ERC2: variants seen among roughly 807,000 people sequenced by gnomAD.
The protein encoded by ERC2 is ERC protein 2.
A neutral mutation model predicts 114.8 loss-of-function variants in ERC2; 42 were observed. The observed-to-expected ratio is 0.37, with a 90% CI of 0.29 to 0.47. ERC2 has a LOEUF of 0.47. ERC2 is among the 20% of genes least tolerant of loss of function. The pLI, the probability that ERC2 is intolerant of heterozygous loss-of-function variation, is 0.99. For missense variants in ERC2, 939 were observed against 1,150.7 expected (o/e 0.82, Z 2.66); for synonymous variants, 454 against 425.5 (o/e 1.07, Z -0.82).
chr3:55,961,249 C>A (rs2068340065), intron 12 of ERC2, among the ~76,000 whole-genome samples: 1 of 152,162 alleles, frequency 6.6e-6, no homozygotes, highest in Non-Finnish European at 1.5e-5. Context: ...ACATGCCAAG[C>A]CCTATAGTCC....
intron 12 of ERC2, among the ~76,000 whole-genome samples, chr3:55,956,444 A>ATTT (rs11298196): frequency 1.6e-3 from 249 of 151,150 alleles, no homozygotes; most frequent in African/African-American, 5.6e-3. Flanking sequence ...AGATTATTTC[A>ATTT]TTTTTTTTTT....
chr3:55,615,152 C>G (rs1387894076), intron 17 of ERC2, among the ~76,000 whole-genome samples: 1 of 152,206 alleles, frequency 6.6e-6, no homozygotes, highest in Non-Finnish European at 1.5e-5. Flanking sequence ...CACGTACACT[C>G]TGTTCTTACT....
chr3:56,369,537 T>C (rs887038789), intron 2 of ERC2, among the ~76,000 whole-genome samples: 55 of 152,230 alleles, frequency 3.6e-4, no homozygotes, highest in Admixed American at 2.6e-3. Context: ...CCTACAGTGA[T>C]AGTACAGATA....
At chr3:55,650,610 T>G (rs1353455322) in intron 17 of ERC2, among the ~76,000 whole-genome samples, 1 of 152,144 alleles carries the variant, frequency 6.6e-6, no homozygotes, top group Non-Finnish European at 1.5e-5. Context: ...GAGGGCAGAG[T>G]ATTGTTTATT....
At chr3:56,138,274 A>G (rs1438618027) in intron 6 of ERC2, among the ~76,000 whole-genome samples, 1 of 152,036 alleles carries the variant, frequency 6.6e-6, no homozygotes, top group East Asian at 1.9e-4. Flanking sequence ...GTTTGCCAGG[A>G]TGGTCTGGAT....
chr3:55,627,135 C>T (rs2059549900), intron 17 of ERC2, among the ~76,000 whole-genome samples: 1 of 152,186 alleles, frequency 6.6e-6, no homozygotes, highest in South Asian at 2.1e-4. Context: ...AACTTGGCTT[C>T]AGCTCCACAA....
intron 6 of ERC2, among the ~76,000 whole-genome samples, chr3:56,107,007 T>C (rs900371263): frequency 6.6e-6 from 1 of 152,170 alleles, no homozygotes; most frequent in African/African-American, 2.4e-5. Flanking sequence ...GACCACGTAA[T>C]GCATTCAATA....
intron 3 of ERC2, among the ~76,000 whole-genome samples, chr3:56,234,257 T>C (rs970113949): frequency 6.6e-6 from 1 of 152,172 alleles, no homozygotes; most frequent in African/African-American, 2.4e-5. Flanking sequence ...ATTTCTCAGG[T>C]CCTGTACATC....
chr3:56,437,888 T>C (rs890555675), intron 1 of ERC2, among the ~76,000 whole-genome samples: 2 of 152,194 alleles, frequency 1.3e-5, no homozygotes, highest in African/African-American at 2.4e-5. Context: ...GACAAAACAA[T>C]TTTGTGATTT....
intron 2 of ERC2, among the ~76,000 whole-genome samples, chr3:56,348,483 T>C (rs1328711943): frequency 1.3e-5 from 2 of 148,594 alleles, no homozygotes; most frequent in Non-Finnish European, 3.0e-5. Context: ...ATATATATAT[T>C]TTTATTTATA....
At chr3:56,294,047 A>G (rs1028325886) in intron 3 of ERC2, among the ~76,000 whole-genome samples, 6 of 152,250 alleles carry the variant, frequency 3.9e-5, no homozygotes, top group Admixed American at 3.9e-4. Context: ...TTTTCCAACT[A>G]TAGTGATCCT....
chr3:56,344,794 A>T (rs776113713), intron 2 of ERC2, among the ~76,000 whole-genome samples: 6 of 152,184 alleles, frequency 3.9e-5, no homozygotes, highest in Non-Finnish European at 7.3e-5. Flanking sequence ...CACAGATCAC[A>T]ATAGTTTATC....
chr3:55,750,220 A>G (rs183029325), intron 14 of ERC2, among the ~76,000 whole-genome samples: 8 of 152,332 alleles, frequency 5.3e-5, no homozygotes, highest in Admixed American at 5.2e-4. Flanking sequence ...GTTTATTAAC[A>G]TCTTCATTGT....
intron 14 of ERC2, among the ~76,000 whole-genome samples, chr3:55,841,753 G>A (rs1453722015): frequency 6.6e-6 from 1 of 152,092 alleles, no homozygotes; most frequent in East Asian, 1.9e-4. Context: ...GGGTAAAGCT[G>A]GAATTTGATT....
At chr3:56,274,565 T>C (rs2053869278) in intron 3 of ERC2, among the ~76,000 whole-genome samples, 1 of 152,230 alleles carries the variant, frequency 6.6e-6, no homozygotes, top group Non-Finnish European at 1.5e-5. Context: ...GCCCATGTTG[T>C]TCAAAGGCCA....
chr3:56,296,919 G>T (rs1174540579), intron 2 of ERC2, among the ~76,000 whole-genome samples: 2 of 152,016 alleles, frequency 1.3e-5, no homozygotes, highest in Non-Finnish European at 2.9e-5. Flanking sequence ...CACAAACAAA[G>T]ACTTTATTTT....
chr3:56,131,065 A>G (rs557155955), intron 6 of ERC2, among the ~76,000 whole-genome samples: 162 of 152,338 alleles, frequency 1.1e-3, no homozygotes, highest in African/African-American at 3.7e-3. Context: ...GGAAAAAAAT[A>G]AAATGCACAT....
chr3:55,728,359 C>T (rs895593508), intron 15 of ERC2, among the ~76,000 whole-genome samples: 1 of 152,214 alleles, frequency 6.6e-6, no homozygotes, highest in African/African-American at 2.4e-5. Context: ...TACATGTGCT[C>T]AAAAATGTCA....
At chr3:56,071,415 T>C (rs1400340745) in intron 7 of ERC2, among the ~76,000 whole-genome samples, 1 of 152,144 alleles carries the variant, frequency 6.6e-6, no homozygotes, top group Non-Finnish European at 1.5e-5. Flanking sequence ...AATGAAGAGG[T>C]TGGACTAGGA....
Sources: gnomAD v4.1 joint callset for allele counts (sites outside exome capture counted in the v4.1 genomes callset) on GRCh38, gnomAD v4.1.1 for gene constraint, MANE v1.5 for transcripts, NCBI Gene and HGNC (gene_info 2026-07-23, HGNC 2026-07-21) for gene names.